AGMO: variants seen among roughly 807,000 people sequenced by gnomAD.
AGMO encodes the protein alkylglycerol monooxygenase.
A neutral mutation model predicts 60.2 loss-of-function variants in AGMO; 75 were observed. That is an observed-to-expected ratio of 1.25 (90% CI 1.03 to 1.51). The LOEUF is 1.51. Ranked by LOEUF, AGMO falls within the 40% of genes most tolerant of loss-of-function variation. The probability of loss-of-function intolerance (pLI) is 0.00; values close to 1 mark genes in which losing one functional copy is unlikely to be tolerated. For synonymous variants in AGMO, 261 were observed against 177.1 expected (o/e 1.47, Z -3.76); for missense variants, 763 against 525.5 (o/e 1.45, Z -4.42).
the AGMO span, among the ~76,000 whole-genome samples, chr7:15,190,244 T>A: frequency 1.4e-5 from 2 of 141,746 alleles, no homozygotes; most frequent in African/African-American, 5.0e-5. Context: ...TATATATATA[T>A]ATATATGCAG....
chr7:15,198,279 T>TAGAGAGAGAGAGAGAGAGAGAGAGAGAG (rs1781188156), downstream of AGMO, among the ~76,000 whole-genome samples: 1 of 115,742 alleles, frequency 8.6e-6, no homozygotes, highest in African/African-American at 3.2e-5. Context: ...GAGAGTGTGT[T>TAGAGAGAGAGAGAGAGAGAGAGAGAGAG]AAAGTCCTTC....
intron 12 of AGMO, among the ~76,000 whole-genome samples, chr7:15,353,111 TTC>T (rs1264366714): frequency 6.6e-6 from 1 of 152,040 alleles, no homozygotes; most frequent in Non-Finnish European, 1.5e-5. Flanking sequence ...GGGGGCAGGG[TTC>T]TTTTTTAAAT....
intron 12 of AGMO, among the ~76,000 whole-genome samples, chr7:15,310,439 A>G (rs1186119277): frequency 6.6e-6 from 1 of 152,150 alleles, no homozygotes; most frequent in Non-Finnish European, 1.5e-5. Context: ...TTTAGCTTTA[A>G]ATCAATCTGG....
chr7:15,561,817 A>G lies in AGMO; in HGVS notation c.29T>C (p.Val10Ala). Residue 10 changes from valine (V) to alanine (A), a missense_variant, in exon 1 of 13, where the codon GTT becomes GCT. Coordinates refer to ENST00000342526, the MANE Select transcript of AGMO (RefSeq NM_001004320.2). Reference protein sequence around the residue: MKNPEAQQDVSVSQGFRMLF... With the variant: MKNPEAQQDASVSQGFRMLF... ...CATGCGAAATCCCTGGGAAACTGAA[A>G]CATCCTGCTGGGCTTCTGGGTTCTT... 1 of 1,609,686 alleles carries G rather than the reference A, an allele frequency of 6.2e-7. No homozygotes were observed. The highest frequency in any genetic ancestry group is 8.5e-7 in the Non-Finnish European group (1 of 1,177,296).
the AGMO span, among the ~76,000 whole-genome samples, chr7:15,150,844 G>A: frequency 6.6e-6 from 1 of 152,034 alleles, no homozygotes; most frequent in East Asian, 1.9e-4. Flanking sequence ...GGATGAATTA[G>A]GAGATAGTCC....
chr7:15,539,970 T>C (rs1229675074), intron 3 of AGMO, among the ~76,000 whole-genome samples: 1 of 152,052 alleles, frequency 6.6e-6, no homozygotes, highest in Non-Finnish European at 1.5e-5. Flanking sequence ...TCAGTCAGGG[T>C]CCAATCAAGA....
chr7:15,383,656 T>G (rs2128482247), intron 10 of AGMO, among the ~76,000 whole-genome samples: 1 of 152,036 alleles, frequency 6.6e-6, no homozygotes, highest in African/African-American at 2.4e-5. Flanking sequence ...TCAGCATATA[T>G]TATTTATTAA....
intron 12 of AGMO, among the ~76,000 whole-genome samples, chr7:15,284,911 G>A (rs1429062704): frequency 6.6e-6 from 1 of 151,888 alleles, no homozygotes; most frequent in African/African-American, 2.4e-5. Flanking sequence ...CAGGGATGCA[G>A]GGATGGTTTA....
At chr7:15,256,137 T>C (rs138522761) in intron 12 of AGMO, among the ~76,000 whole-genome samples, 3 of 152,324 alleles carry the variant, frequency 2.0e-5, no homozygotes, top group East Asian at 1.9e-4. Context: ...GCAGCAGTTA[T>C]TGGTAATGAC....
At chr7:15,423,905 T>C (rs1193750276) in intron 4 of AGMO, among the ~76,000 whole-genome samples, 2 of 152,184 alleles carry the variant, frequency 1.3e-5, no homozygotes, top group Non-Finnish European at 2.9e-5. Context: ...GATAAATTTC[T>C]GTTGTTCTAA....
chr7:15,525,245 G>C (rs927828196), intron 3 of AGMO, among the ~76,000 whole-genome samples: 5 of 152,190 alleles, frequency 3.3e-5, no homozygotes, highest in African/African-American at 1.2e-4. Context: ...TGGGCCCCTG[G>C]TGAAACCCGA....
chr7:15,118,876 A>ATTTTTTTTTTTTT, the AGMO span, among the ~76,000 whole-genome samples: 3 of 81,758 alleles, frequency 3.7e-5, no homozygotes, highest in East Asian at 5.4e-4. Flanking sequence ...AGACGTCAGT[A>ATTTTTTTTTTTTT]TTTTTTTTTT....
At chr7:15,528,577 T>A (rs933386570) in intron 3 of AGMO, among the ~76,000 whole-genome samples, 1 of 152,228 alleles carries the variant, frequency 6.6e-6, no homozygotes, top group Admixed American at 6.5e-5. Flanking sequence ...TGCAGAGAGT[T>A]CAGAAGACAG....
chr7:15,191,293 G>A, the AGMO span, among the ~76,000 whole-genome samples: 2 of 152,122 alleles, frequency 1.3e-5, no homozygotes, highest in Admixed American at 1.3e-4. Context: ...TGCTAAATGT[G>A]GGAAAATATA....
chr7:15,168,108 G>C, the AGMO span, among the ~76,000 whole-genome samples: 2 of 152,184 alleles, frequency 1.3e-5, no homozygotes, highest in Admixed American at 6.5e-5. Flanking sequence ...ATTGCACAGG[G>C]TGTGGCCAGT....
chr7:15,360,902 T>C (rs763138653), intron 12 of AGMO, among the ~76,000 whole-genome samples: 95 of 151,660 alleles, frequency 6.3e-4, no homozygotes, highest in Non-Finnish European at 2.5e-4. Flanking sequence ...AATCAGGTTA[T>C]GATCCTCATG....
the AGMO span, among the ~76,000 whole-genome samples, chr7:15,183,682 T>C: frequency 6.6e-6 from 1 of 152,210 alleles, no homozygotes; most frequent in South Asian, 2.1e-4. Flanking sequence ...CATTGCTACT[T>C]AAGAGAGTCA....
At chr7:15,243,822 C>T (rs1782664806) in intron 12 of AGMO, among the ~76,000 whole-genome samples, 2 of 152,058 alleles carry the variant, frequency 1.3e-5, no homozygotes, top group South Asian at 2.1e-4. Flanking sequence ...AGCCACTTGT[C>T]CGGTTTTGTC....
Position 15,466,786 on chromosome 7 carries a change from G to T in AGMO, c.410-35678C>A, listed in dbSNP as rs562119565. ...TTTAAATATTCTCATTTTAAGTACTGTGTCAGCATTGGATAAATAAAGGAT... is the reference window on the plus strand; with the variant it reads ...TTTAAATATTCTCATTTTAAGTACTTTGTCAGCATTGGATAAATAAAGGAT... On this transcript the variant is annotated intron_variant, in intron 3 of 12. Transcript: ENST00000342526. Among the ~76,000 whole-genome samples, 3 of 152,266 alleles carry T rather than the reference G, an allele frequency of 2.0e-5. No individual in the cohort carries two copies. The South Asian group carries it at 6.2e-4, about 32-fold the overall frequency.
Sources: allele counts gnomAD v4.1 joint callset (sites outside exome capture counted in the v4.1 genomes callset), GRCh38; gene constraint gnomAD v4.1.1; transcripts MANE v1.5; gene names NCBI Gene and HGNC (gene_info 2026-07-23, HGNC 2026-07-21).